The following GSTZ1 variants were observed in gnomAD, a reference collection of about 807,000 sequenced individuals.
GSTZ1 encodes maleylacetoacetate isomerase.
A neutral mutation model predicts 35.9 loss-of-function variants in GSTZ1; 34 were observed. The observed-to-expected ratio is 0.95, with a 90% confidence interval of 0.72 to 1.26. The LOEUF (loss-of-function observed/expected upper bound fraction) is 1.26, where lower values mean the gene tolerates loss of function less well. Among genes scored for constraint, GSTZ1 ranks in the 50% most tolerant of loss-of-function variants. GSTZ1 has a pLI of 0.00. For synonymous variants in GSTZ1, 93 were observed against 101.2 expected, an observed-to-expected ratio of 0.92 and a Z score of 0.49; for missense variants, 263 against 271.7, an observed-to-expected ratio of 0.97 and a Z score of 0.23.
rs1272158711 is a variant in GSTZ1 at position 77,329,188 on chromosome 14, T to C, written c.408T>C (p.Thr136=). The C allele has an allele frequency of 3.7e-6, 6 of 1,608,914 alleles. No homozygotes were observed. The highest frequency in any genetic ancestry group is 4.5e-5 in the East Asian group (2 of 44,870). The stretch of plus-strand genomic sequence containing the variant: ...TGACCTGGGCCCAGAACGCCATCAC[T>C]TGTGGCTTTAACGGTGAGTCCTCAC... ...MQLTWAQNAI[T]CGFNALEQIL... is the part of the protein sequence containing the mutation. Residue 136 remains threonine, a synonymous_variant, in exon 6 of 9, where the codon ACT becomes ACC. Coordinates refer to ENST00000216465, the MANE Select transcript of GSTZ1 (RefSeq NM_145870.3).
chr14:77,325,166 C>G, intron 2 of GSTZ1: 1 of 529,916 alleles, frequency 1.9e-6, no homozygotes, highest in Non-Finnish European at 3.4e-6. Context: ...TCTCCCAACA[C>G]TGCTCTCCAA....
chr14:77,328,783 A>G, intron 5 of GSTZ1: 1 of 342,758 alleles, frequency 2.9e-6, no homozygotes, highest in South Asian at 3.2e-5. Context: ...GGGACCATGC[A>G]AGGGAGAAGT....
At position 77,331,396 on chromosome 14, in the gene GSTZ1, C is replaced by T; in HGVS notation, c.*201C>T. 1 of 569,160 alleles carries T rather than the reference C, an allele frequency of 1.8e-6. No individual in the cohort carries two copies. The highest frequency in any genetic ancestry group is 3.1e-6 in the Non-Finnish European group (1 of 326,324). 35.3% of individuals were successfully genotyped at this position (569,160 alleles called of 1,614,324 possible). ...GGGTGGAGTAGGGAGATGCGGGGAG[C>T]AGGGTGGGCAGGAATACTGTTATCT... On this transcript the variant is annotated 3_prime_UTR_variant, in exon 9 of 9. Transcript: ENST00000216465.
chr14:77,321,343 G>T (rs1267606787), intron 1 of GSTZ1, 160 bp downstream of exon 1: 5 of 1,533,304 alleles, frequency 3.3e-6, no homozygotes, highest in East Asian at 2.5e-5. Context: ...GCTGCGCGCT[G>T]CCCGCTGGGG....
chr14:77,331,271 G>GGCCTCC lies in GSTZ1; in HGVS notation c.*76_*77insGCCTCC. ...GGGCTGAAGAGGCCTGGAAACGAGAGTCTTAATTGAGGAGATGGGAGACTC... is the reference window on the plus strand; with the variant it reads ...GGGCTGAAGAGGCCTGGAAACGAGAGGCCTCCTCTTAATTGAGGAGATGGGAGACTC... On this transcript the variant is annotated 3_prime_UTR_variant, in exon 9 of 9. Transcript: ENST00000216465. 6.6e-7 allele frequency: 1 copy of GGCCTCC among 1,505,656 alleles called. No individual in the cohort carries two copies. Among genetic ancestry groups the GGCCTCC allele is most frequent in the Non-Finnish European group, 8.9e-7 (1 of 1,117,404 alleles). The allele number at this position is 1,505,656 out of a possible 1,614,324, so 93.3% of individuals were successfully genotyped here.
At chr14:77,321,417 G>C in intron 1 of GSTZ1, 2 of 1,528,466 alleles carry the variant, frequency 1.3e-6, no homozygotes, top group East Asian at 2.5e-5. Flanking sequence ...TAGCAGGGTG[G>C]AGTCGCTGTC....
chr14:77,321,260 T>G, intron 1 of GSTZ1, 77 bp downstream of exon 1: 4 of 1,526,158 alleles, frequency 2.6e-6, no homozygotes, highest in Non-Finnish European at 3.6e-6. Context: ...AGAAGTGAGC[T>G]GCACCGCCCG....
At chr14:77,321,269 C>T (rs1177101364) in intron 1 of GSTZ1, 86 bp downstream of exon 1, 1 of 1,523,730 alleles carries the variant, frequency 6.6e-7, no homozygotes, top group African/African-American at 1.4e-5. Flanking sequence ...CTGCACCGCC[C>T]GCCCAGGCCG....
At chr14:77,324,489 G>A in intron 1 of GSTZ1, 1 of 902,124 alleles carries the variant, frequency 1.1e-6, no homozygotes, top group Non-Finnish European at 1.8e-6. Context: ...CCCAATGCCT[G>A]GGTAGCCCAG....
At chr14:77,324,601 T>TA in intron 1 of GSTZ1, 1 of 1,534,368 alleles carries the variant, frequency 6.5e-7, no homozygotes, top group Non-Finnish European at 8.7e-7. Context: ...GTCACCACGA[T>TA]ACCATGACAG....
intron 5 of GSTZ1, 31 bp from the exon 6 acceptor site, chr14:77,329,092 C>A (rs756710006): frequency 7.3e-6 from 11 of 1,507,706 alleles, no homozygotes; most frequent in Non-Finnish European, 1.0e-5. Flanking sequence ...CAGCTGTCAG[C>A]GCAATCACAG....
Position 77,331,399 on chromosome 14 carries a change from G to C in GSTZ1, c.*204G>C. 1 of 571,592 alleles carries C rather than the reference G, an allele frequency of 1.7e-6. No individual in the cohort carries two copies. The highest frequency in any genetic ancestry group is 2.9e-5 in the East Asian group (1 of 34,884). The allele number at this position is 571,592 out of a possible 1,614,324, so 35.4% of individuals were successfully genotyped here. A position where few individuals can be genotyped will look rare whatever the true frequency, so the allele number is the denominator to read the frequency against. The stretch of plus-strand genomic sequence containing the variant: ...TGGAGTAGGGAGATGCGGGGAGCAG[G>C]GTGGGCAGGAATACTGTTATCTATG... On this transcript the variant is annotated 3_prime_UTR_variant, in exon 9 of 9. Coordinates refer to ENST00000216465, the MANE Select transcript of GSTZ1 (RefSeq NM_145870.3).
Position 77,326,907 on chromosome 14 carries a change from T to A in GSTZ1, c.135+2T>A. 6.3e-7 allele frequency: 1 copy of A among 1,596,106 alleles called. No individual in the cohort carries two copies. The highest frequency in any genetic ancestry group is 8.6e-7 in the Non-Finnish European group (1 of 1,168,040). Reference sequence around the variant, plus strand: ...CTCATAAAGGATGGGGGCCAACAGGTAAGAAGGCTGTGCCCAGACCACAAT... The same window carrying A: ...CTCATAAAGGATGGGGGCCAACAGGAAAGAAGGCTGTGCCCAGACCACAAT... On this transcript the variant is annotated splice_donor_variant, in intron 3 of 8. Coordinates refer to ENST00000216465, the MANE Select transcript of GSTZ1 (RefSeq NM_145870.3). LOFTEE classifies it high-confidence loss of function.
rs1328437088 is a variant in GSTZ1, at chr14:77,331,116, A to G, written c.572A>G (p.Lys191Arg). 6.2e-7 allele frequency: 1 copy of G among 1,613,866 alleles called. No homozygotes were observed. The highest frequency in any genetic ancestry group is 1.3e-5 in the African/African-American group (1 of 75,034). The change falls in exon 9 of 9, where the codon AAG becomes AGG. Residue 191 changes from lysine to arginine, a missense_variant. Physicochemically the swap from Lys to Arg is conservative, Grantham distance 26 (BLOSUM62 2). Transcript: ENST00000216465. The stretch of plus-strand genomic sequence containing the variant: ...TACCCTACCATCAGCTCCATCAACA[A>G]GAGGCTGCTGGTCTTGGAGGCCTTC... Reference protein sequence around the residue: ...TPYPTISSINKRLLVLEAFQV... With the variant: ...TPYPTISSINRRLLVLEAFQV...
chr14:77,321,380 G>C (rs1016001120), intron 1 of GSTZ1, 197 bp downstream of exon 1: 1 of 1,530,696 alleles, frequency 6.5e-7, no homozygotes, highest in Non-Finnish European at 8.7e-7. Flanking sequence ...GGTTGGGCCA[G>C]AGGAGGCGGT....
intron 8 of GSTZ1, 113 bp from the exon 9 acceptor site, chr14:77,330,956 T>C (rs1892596567): frequency 1.5e-5 from 15 of 1,010,474 alleles, no homozygotes; most frequent in Non-Finnish European, 2.2e-5. Flanking sequence ...CGTCCTTCCC[T>C]GGACAGCTCC....
intron 3 of GSTZ1, 81 bp from the exon 4 acceptor site, chr14:77,327,391 C>G: frequency 2.4e-6 from 2 of 818,484 alleles, no homozygotes; most frequent in Non-Finnish European, 4.2e-6. Flanking sequence ...GGTGGCAGGC[C>G]TGGGGTTCTC....
At chr14:77,324,523 C>T (rs1280862946) in intron 1 of GSTZ1, 17 of 1,307,766 alleles carry the variant, frequency 1.3e-5, no homozygotes, top group Middle Eastern at 1.8e-4. Flanking sequence ...TCCTGAAATC[C>T]ACCCCTTTAG....
Position 77,331,380 on chromosome 14 carries a change from A to C in GSTZ1, c.*185A>C, listed in dbSNP as rs1346374445. 32 of 639,846 alleles carry C rather than the reference A, an allele frequency of 5.0e-5. No homozygotes were observed. The East Asian group carries it at 7.8e-4, about 16-fold the overall frequency. The allele number at this position is 639,846 out of a possible 1,614,324, so 39.6% of individuals were successfully genotyped here. On this transcript the variant is annotated 3_prime_UTR_variant, in exon 9 of 9. Coordinates refer to ENST00000216465, the MANE Select transcript of GSTZ1 (RefSeq NM_145870.3). ...CTGTCACACGCATGTGGGGTGGAGTAGGGAGATGCGGGGAGCAGGGTGGGC... is the reference window on the plus strand; with the variant it reads ...CTGTCACACGCATGTGGGGTGGAGTCGGGAGATGCGGGGAGCAGGGTGGGC...
Sources: gnomAD v4.1 joint callset for allele counts on GRCh38, gnomAD v4.1.1 for gene constraint, MANE v1.5 for transcripts, NCBI Gene and HGNC (gene_info 2026-07-23, HGNC 2026-07-21) for gene names.